RIMS1: variants seen among roughly 807,000 people sequenced by gnomAD.
RIMS1 encodes the protein regulating synaptic membrane exocytosis 1.
RIMS1 carries 83 observed loss-of-function variants against 214.1 expected under a neutral mutation model. The observed-to-expected ratio is 0.39, with a 90% CI of 0.32 to 0.47. RIMS1 has a LOEUF of 0.47. Among genes scored for constraint, RIMS1 ranks in the 20% least tolerant of loss-of-function variants. The pLI is 0.99. For synonymous variants in RIMS1, 793 were observed against 786.8 expected (o/e 1.01, Z -0.13); for missense variants, 2,050 against 2,161.8 (o/e 0.95, Z 1.03).
chr6:72,257,607 T>C (rs2076410493), intron 16 of RIMS1, among the ~76,000 whole-genome samples: 1 of 152,122 alleles, frequency 6.6e-6, no homozygotes, highest in Non-Finnish European at 1.5e-5. Flanking sequence ...GAAGATCTGC[T>C]ACTCTTCTTT....
At chr6:72,273,685 G>C (rs1475562411) in intron 22 of RIMS1, among the ~76,000 whole-genome samples, 1 of 152,144 alleles carries the variant, frequency 6.6e-6, no homozygotes, top group African/African-American at 2.4e-5. Flanking sequence ...ATCATTTCAT[G>C]TATCTATGTT....
chr6:72,394,600 T>G (rs1351940875), intron 31 of RIMS1, among the ~76,000 whole-genome samples: 2 of 152,080 alleles, frequency 1.3e-5, no homozygotes, highest in Admixed American at 6.5e-5. Flanking sequence ...TTGAAAATTT[T>G]GGAAGCAATA....
At chr6:72,178,686 G>A (rs1028619252) in intron 4 of RIMS1, among the ~76,000 whole-genome samples, 51 of 152,238 alleles carry the variant, frequency 3.4e-4, no homozygotes, top group African/African-American at 1.2e-3. Flanking sequence ...AGCTCATGGA[G>A]CTGTTAGCAC....
intron 2 of RIMS1, among the ~76,000 whole-genome samples, chr6:72,009,238 G>A (rs1157668958): frequency 1.3e-5 from 2 of 152,126 alleles, no homozygotes; most frequent in East Asian, 1.9e-4. Context: ...GATACATAAC[G>A]AAATGAAGGC....
intron 1 of RIMS1, among the ~76,000 whole-genome samples, chr6:71,963,191 A>T (rs990991354): frequency 6.6e-6 from 1 of 152,184 alleles, no homozygotes; most frequent in Non-Finnish European, 1.5e-5. Flanking sequence ...AGTATTAAAG[A>T]CAGAGGGCTG....
intron 26 of RIMS1, among the ~76,000 whole-genome samples, chr6:72,300,927 C>G (rs1040243915): frequency 8.6e-5 from 13 of 151,824 alleles, no homozygotes; most frequent in African/African-American, 3.1e-4. Flanking sequence ...ATTATATATA[C>G]AAATTGCCTC....
intron 4 of RIMS1, among the ~76,000 whole-genome samples, chr6:72,151,913 G>C (rs902642821): frequency 6.6e-6 from 1 of 152,158 alleles, no homozygotes; most frequent in Non-Finnish European, 1.5e-5. Context: ...TTGCAAACAT[G>C]GTGGGAGGCA....
In RIMS1 at chr6:71,887,062, C is replaced by T; in HGVS notation, c.39C>T (p.Pro13=). The stretch of plus-strand genomic sequence containing the variant: ...TGGGGCCCCGCGGTCCTCGCCCACC[C>T]ACGGTGCCTCCCCCCATGCAAGAGC... The part of the protein sequence containing the change: ...SAVGPRGPRP[P]TVPPPMQELP... The change falls in exon 1 of 34, where the codon CCC becomes CCT. Residue 13 remains proline, a synonymous_variant. Transcript: ENST00000521978. 6.2e-7 allele frequency: 1 copy of T among 1,613,552 alleles called. No homozygotes were observed. The highest frequency in any genetic ancestry group is 8.5e-7 in the Non-Finnish European group (1 of 1,179,724).
At chr6:72,059,380 A>G (rs1335261447) in intron 2 of RIMS1, among the ~76,000 whole-genome samples, 1 of 151,976 alleles carries the variant, frequency 6.6e-6, no homozygotes, top group Non-Finnish European at 1.5e-5. Flanking sequence ...GGTTTCTGCT[A>G]CCACACCCTG....
chr6:71,947,594 A>T (rs915334857), intron 1 of RIMS1, among the ~76,000 whole-genome samples: 3 of 152,100 alleles, frequency 2.0e-5, no homozygotes, highest in African/African-American at 7.2e-5. Context: ...CATTTCATTT[A>T]GATAGGAGCA....
Position 71,966,840 on chromosome 6 carries a change from G to GAA in RIMS1, c.165-2135_165-2134dup, listed in dbSNP as rs70994106. 1.6e-3 allele frequency among the ~76,000 whole-genome samples: 239 copies of GAA among 151,168 alleles called. 4 individuals carry two copies. The highest frequency in any genetic ancestry group is 0.012 in the Admixed American group (176 of 15,196). ...CCCAGCAGATAGGGCCTTTTAGTCAGAAAAAAAAATGTTTGCTTACAAACC... is the reference window on the plus strand; with the variant it reads ...CCCAGCAGATAGGGCCTTTTAGTCAGAAAAAAAAAAATGTTTGCTTACAAACC... On this transcript the variant is annotated intron_variant, in intron 1 of 33. Coordinates refer to ENST00000521978, the MANE Select transcript of RIMS1 (RefSeq NM_014989.7).
intron 2 of RIMS1, among the ~76,000 whole-genome samples, chr6:72,032,733 T>C (rs1410873452): frequency 6.6e-6 from 1 of 152,128 alleles, no homozygotes; most frequent in Non-Finnish European, 1.5e-5. Context: ...AATTCTATGA[T>C]CTATATGTCT....
chr6:72,161,985 G>C (rs926957509), intron 4 of RIMS1, among the ~76,000 whole-genome samples: 1 of 140,312 alleles, frequency 7.1e-6, no homozygotes, highest in African/African-American at 2.5e-5. Flanking sequence ...GTTGATAGTG[G>C]GGTGTTAAAT....
chr6:71,887,664 T>A (rs1768216603), intron 1 of RIMS1, among the ~76,000 whole-genome samples: 1 of 152,104 alleles, frequency 6.6e-6, no homozygotes, highest in African/African-American at 2.4e-5. Context: ...GCTGCCTATA[T>A]TTATATAATA....
At chr6:72,273,894 AT>A (rs1344715291) in intron 22 of RIMS1, among the ~76,000 whole-genome samples, 1 of 152,190 alleles carries the variant, frequency 6.6e-6, no homozygotes, top group African/African-American at 2.4e-5. Context: ...AAATTCACAC[AT>A]CCCCACCTTT....
At chr6:72,115,439 A>G (rs935332080) in intron 4 of RIMS1, among the ~76,000 whole-genome samples, 2 of 151,926 alleles carry the variant, frequency 1.3e-5, no homozygotes, top group Non-Finnish European at 2.9e-5. Flanking sequence ...TGTTACCTAT[A>G]TTTGAGATTG....
chr6:72,094,747 A>G (rs969613601), intron 2 of RIMS1, among the ~76,000 whole-genome samples: 2 of 152,146 alleles, frequency 1.3e-5, no homozygotes, highest in Non-Finnish European at 2.9e-5. Flanking sequence ...GCCAACACTC[A>G]TACTACATCA....
At chr6:72,001,281 G>A (rs749238848) in intron 2 of RIMS1, among the ~76,000 whole-genome samples, 6 of 151,864 alleles carry the variant, frequency 4.0e-5, no homozygotes, top group East Asian at 1.9e-4. Context: ...CTTACACATC[G>A]ATATATTTTA....
At chr6:72,315,612 C>T (rs1213373642) in intron 28 of RIMS1, among the ~76,000 whole-genome samples, 3 of 152,280 alleles carry the variant, frequency 2.0e-5, no homozygotes, top group South Asian at 4.1e-4. Flanking sequence ...CACGTCTTCT[C>T]TTCTGACATT....
Sources: gnomAD v4.1 joint callset for allele counts (sites outside exome capture counted in the v4.1 genomes callset) on GRCh38, gnomAD v4.1.1 for gene constraint, MANE v1.5 for transcripts, NCBI Gene and HGNC (gene_info 2026-07-23, HGNC 2026-07-21) for gene names.